The following GRM5 variants were observed in gnomAD, a reference collection of about 807,000 sequenced individuals.
The protein encoded by GRM5 is glutamate metabotropic receptor 5.
A neutral mutation model predicts 83.1 loss-of-function variants in GRM5; 19 were observed. That is an observed-to-expected ratio of 0.23 (90% confidence interval 0.16 to 0.34). GRM5 has a LOEUF of 0.34. Among genes scored for constraint, GRM5 ranks in the 10% least tolerant of loss-of-function variants. The pLI is 1.00. For synonymous variants in GRM5, 675 were observed against 633.6 expected (o/e 1.07, Z -0.98); for missense variants, 1,160 against 1,588.3 (o/e 0.73, Z 4.58).
chr11:88,594,895 A>G (rs143229129), intron 6 of GRM5, among the ~76,000 whole-genome samples: 226 of 152,322 alleles, frequency 1.5e-3, no homozygotes, highest in Admixed American at 4.5e-3. Context: ...TTGATTAGCA[A>G]ATAAATTATT....
intron 8 of GRM5, among the ~76,000 whole-genome samples, chr11:88,526,540 A>G (rs1941881536): frequency 1.3e-5 from 2 of 152,122 alleles, no homozygotes. Flanking sequence ...GTATAACACC[A>G]CTTCATCCAC....
intron 7 of GRM5, among the ~76,000 whole-genome samples, chr11:88,569,555 T>C (rs1458358352): frequency 6.6e-6 from 1 of 152,238 alleles, no homozygotes; most frequent in Non-Finnish European, 1.5e-5. Context: ...AAATGACTCA[T>C]GGTAGAAAGT....
intron 6 of GRM5, among the ~76,000 whole-genome samples, chr11:88,591,163 T>A (rs1259375415): frequency 6.6e-6 from 1 of 152,174 alleles, no homozygotes; most frequent in African/African-American, 2.4e-5. Flanking sequence ...CAAAAAACAT[T>A]GTATATTTCC....
chr11:88,651,326 C>G lies in GRM5; in HGVS notation c.1147+1842G>C, dbSNP rs142849436. Among the ~76,000 whole-genome samples, 149 of 152,088 alleles carry G rather than the reference C, an allele frequency of 9.8e-4. 1 individual carries two copies. Among genetic ancestry groups the G allele is most frequent in the African/African-American group, 3.4e-3 (142 of 41,526 alleles). ...AATAAAGAAAGAGGGTGCAGGCCAA[C>G]TGGAAAAATTCCCTTAAATATACCG... On this transcript the variant is annotated intron_variant, in intron 4 of 9. Transcript: ENST00000305447.
intron 2 of GRM5, among the ~76,000 whole-genome samples, chr11:88,905,563 A>C (rs1945389837): frequency 6.6e-6 from 1 of 152,070 alleles, no homozygotes; most frequent in Non-Finnish European, 1.5e-5. Flanking sequence ...GCTGGTCTGG[A>C]ATTCCTGACC....
intron 8 of GRM5, among the ~76,000 whole-genome samples, chr11:88,550,230 T>C (rs1320905449): frequency 6.6e-6 from 1 of 152,148 alleles, no homozygotes; most frequent in Non-Finnish European, 1.5e-5. Flanking sequence ...AATATTAAAA[T>C]TATCCAGATT....
At chr11:88,599,731 AGGTC>A (rs1937922256) in intron 5 of GRM5, among the ~76,000 whole-genome samples, 1 of 152,164 alleles carries the variant, frequency 6.6e-6, no homozygotes, top group Non-Finnish European at 1.5e-5. Flanking sequence ...AAATAACAGA[AGGTC>A]AGGCACGGTG....
At chr11:88,538,287 G>A (rs546854057) in intron 8 of GRM5, among the ~76,000 whole-genome samples, 34 of 152,256 alleles carry the variant, frequency 2.2e-4, no homozygotes, top group Middle Eastern at 6.8e-3. Flanking sequence ...TTTCAGATAT[G>A]AATCATCATA....
At chr11:88,774,756 T>C (rs1942812807) in intron 3 of GRM5, among the ~76,000 whole-genome samples, 1 of 152,238 alleles carries the variant, frequency 6.6e-6, no homozygotes, top group African/African-American at 2.4e-5. Context: ...TTAGGTTTAT[T>C]GCGTATGTTG....
At chr11:88,617,578 C>T (rs7128183) in intron 4 of GRM5, among the ~76,000 whole-genome samples, 101,529 of 152,008 alleles carry the variant, frequency 0.67, 34,628 homozygotes, top group South Asian at 0.79. Context: ...TTTTGTTTTT[C>T]CTTTTCTTCT....
intron 2 of GRM5, among the ~76,000 whole-genome samples, chr11:88,936,587 A>C (rs1937902019): frequency 6.6e-6 from 1 of 151,892 alleles, no homozygotes; most frequent in South Asian, 2.1e-4. Flanking sequence ...AAGCTGATAA[A>C]ACTAAACAAG....
chr11:88,890,194 C>T lies in GRM5; in HGVS notation c.662-40039G>A, dbSNP rs940182560. On this transcript the variant is annotated intron_variant, in intron 2 of 9. Transcript: ENST00000305447. ...GATAAAGCTGATTAGCTTTGGGTTG[C>T]CTTACAATGAAATACATGGTAGAAG... 7.2e-5 allele frequency among the ~76,000 whole-genome samples: 11 copies of T among 151,918 alleles called. 1 individual carries two copies. Among genetic ancestry groups the T allele is most frequent in the African/African-American group, 2.7e-4 (11 of 41,362 alleles).
At chr11:88,810,963 C>T (rs1943579416) in intron 3 of GRM5, among the ~76,000 whole-genome samples, 1 of 152,098 alleles carries the variant, frequency 6.6e-6, no homozygotes. Flanking sequence ...GTTTATTCAT[C>T]TGTAAAACGG....
chr11:88,735,944 T>C (rs1313104216), intron 3 of GRM5, among the ~76,000 whole-genome samples: 1 of 151,202 alleles, frequency 6.6e-6, no homozygotes, highest in African/African-American at 2.4e-5. Flanking sequence ...AGCAACCATA[T>C]GGCCTATGTT....
chr11:88,808,417 G>A (rs980685131), intron 3 of GRM5, among the ~76,000 whole-genome samples: 1 of 151,914 alleles, frequency 6.6e-6, no homozygotes, highest in East Asian at 1.9e-4. Context: ...TAAATAGAAA[G>A]AATATTAAAC....
At chr11:88,606,087 T>C (rs80198271) in intron 4 of GRM5, among the ~76,000 whole-genome samples, 5,138 of 152,202 alleles carry the variant, frequency 0.034, 222 homozygotes, top group African/African-American at 0.1. Context: ...CCAAGCATTT[T>C]TGAAGAATAA....
chr11:88,918,495 A>G (rs1275780934), intron 2 of GRM5, among the ~76,000 whole-genome samples: 1 of 152,000 alleles, frequency 6.6e-6, no homozygotes, highest in Non-Finnish European at 1.5e-5. Flanking sequence ...ATCTTTCCTA[A>G]AGAAAGTTTT....
chr11:88,980,047 C>A (rs1411150971), intron 2 of GRM5, among the ~76,000 whole-genome samples: 1 of 152,144 alleles, frequency 6.6e-6, no homozygotes, highest in African/African-American at 2.4e-5. Context: ...GTGGGAGATT[C>A]TGAAGATATG....
chr11:88,992,835 G>A (rs1199371785), intron 2 of GRM5, among the ~76,000 whole-genome samples: 1 of 140,664 alleles, frequency 7.1e-6, no homozygotes, highest in African/African-American at 2.6e-5. Flanking sequence ...CTTGGACATA[G>A]CAAGGGGAAC....
Sources: gnomAD v4.1 joint callset for allele counts (sites outside exome capture counted in the v4.1 genomes callset) on GRCh38, gnomAD v4.1.1 for gene constraint, MANE v1.5 for transcripts, NCBI Gene and HGNC (gene_info 2026-07-23, HGNC 2026-07-21) for gene names.